The following SCHIP1 variants were observed in gnomAD, a reference collection of about 807,000 sequenced individuals.
SCHIP1 encodes schwannomin-interacting protein 1.
SCHIP1 carries 8 observed loss-of-function variants against 29.7 expected under a neutral mutation model. That is an observed-to-expected ratio of 0.27 (90% confidence interval 0.16 to 0.49). The LOEUF (loss-of-function observed/expected upper bound fraction) is 0.49, where lower values mean the gene tolerates loss of function less well. Ranked by LOEUF, SCHIP1 falls within the 20% of genes least tolerant of loss-of-function variation. SCHIP1 has a pLI of 0.99. For synonymous variants in SCHIP1, 76 were observed against 94.9 expected, an observed-to-expected ratio of 0.80 and a Z score of 1.16; for missense variants, 193 against 294.6, an observed-to-expected ratio of 0.66 and a Z score of 2.52.
At chr3:159,540,967 C>T in the SCHIP1 span, among the ~76,000 whole-genome samples, 6 of 152,112 alleles carry the variant, frequency 3.9e-5, no homozygotes, top group Non-Finnish European at 7.4e-5. Context: ...TAACACTAAC[C>T]CATCAAAACA....
the SCHIP1 span, among the ~76,000 whole-genome samples, chr3:159,796,361 A>G: frequency 2.0e-5 from 3 of 152,170 alleles, no homozygotes; most frequent in Non-Finnish European, 2.9e-5. Context: ...AGGGGGAAGC[A>G]TTGAGGAATC....
chr3:159,713,519 CA>C, the SCHIP1 span, among the ~76,000 whole-genome samples: 1 of 152,158 alleles, frequency 6.6e-6, no homozygotes, highest in South Asian at 2.1e-4. Flanking sequence ...AATATTTCAA[CA>C]ATACATAAAT....
chr3:159,673,379 T>C, the SCHIP1 span, among the ~76,000 whole-genome samples: 1 of 152,260 alleles, frequency 6.6e-6, no homozygotes, highest in Non-Finnish European at 1.5e-5. Flanking sequence ...TAGCCATGTA[T>C]GTCTGTGACT....
At chr3:159,476,110 C>CCAGT in the SCHIP1 span, among the ~76,000 whole-genome samples, 17,055 of 152,138 alleles carry the variant, frequency 0.11, 1,218 homozygotes, top group Non-Finnish European at 0.16. Context: ...GGTTGAAGGG[C>CCAGT]CAGTCACAGG....
the SCHIP1 span, among the ~76,000 whole-genome samples, chr3:159,680,243 G>C: frequency 6.6e-6 from 1 of 151,810 alleles, no homozygotes; most frequent in African/African-American, 2.4e-5. Flanking sequence ...AGGCGCGGTG[G>C]CTAACGCCTG....
chr3:159,315,242 AG>A, the SCHIP1 span, among the ~76,000 whole-genome samples: 1 of 133,272 alleles, frequency 7.5e-6, no homozygotes, highest in South Asian at 2.3e-4. Context: ...TGTGTCACCC[AG>A]GCTGGAGTGC....
chr3:159,590,693 A>C, the SCHIP1 span, among the ~76,000 whole-genome samples: 1 of 152,148 alleles, frequency 6.6e-6, no homozygotes, highest in Non-Finnish European at 1.5e-5. Context: ...TATCTCAATC[A>C]GCTGAAAAAA....
At chr3:159,609,687 C>T in the SCHIP1 span, among the ~76,000 whole-genome samples, 6 of 152,090 alleles carry the variant, frequency 3.9e-5, no homozygotes, top group Non-Finnish European at 7.4e-5. Context: ...CAGAAGCAGC[C>T]GCTTAAAACC....
the SCHIP1 span, among the ~76,000 whole-genome samples, chr3:159,347,618 T>C: frequency 2.0e-5 from 3 of 152,220 alleles, no homozygotes; most frequent in African/African-American, 7.2e-5. Flanking sequence ...GATAGTGGCA[T>C]TGATGTCTTA....
chr3:159,359,942 A>G, the SCHIP1 span, among the ~76,000 whole-genome samples: 1 of 152,356 alleles, frequency 6.6e-6, no homozygotes, highest in East Asian at 1.9e-4. Flanking sequence ...ACCCATAGGT[A>G]TAAGTTTTGT....
At chr3:159,553,767 C>T in the SCHIP1 span, among the ~76,000 whole-genome samples, 4 of 152,202 alleles carry the variant, frequency 2.6e-5, no homozygotes, top group South Asian at 2.1e-4. Flanking sequence ...TGAGCCACTG[C>T]GCCCAGCCAG....
the SCHIP1 span, among the ~76,000 whole-genome samples, chr3:159,693,855 A>G: frequency 6.6e-5 from 10 of 152,234 alleles, no homozygotes; most frequent in Non-Finnish European, 1.5e-4. Context: ...ATTGTTTCAA[A>G]AAGTAAATAT....
chr3:159,811,214 T>C, the SCHIP1 span, among the ~76,000 whole-genome samples: 1 of 152,240 alleles, frequency 6.6e-6, no homozygotes, highest in African/African-American at 2.4e-5. Flanking sequence ...AGAAATAGTA[T>C]TTGTGTATAT....
At chr3:159,447,798 A>C in the SCHIP1 span, among the ~76,000 whole-genome samples, 1 of 152,200 alleles carries the variant, frequency 6.6e-6, no homozygotes, top group East Asian at 1.9e-4. Flanking sequence ...ATAAATGTGC[A>C]GTTTCCCAGT....
At chr3:159,710,432 C>A in the SCHIP1 span, among the ~76,000 whole-genome samples, 1 of 152,118 alleles carries the variant, frequency 6.6e-6, no homozygotes, top group Admixed American at 6.5e-5. Flanking sequence ...TCAAAGGGTA[C>A]AAAGTTTCAG....
chr3:159,456,596 C>T, the SCHIP1 span, among the ~76,000 whole-genome samples: 1 of 152,136 alleles, frequency 6.6e-6, no homozygotes, highest in African/African-American at 2.4e-5. Context: ...TGCTCTAGAT[C>T]ATTTGGGGGA....
the SCHIP1 span, among the ~76,000 whole-genome samples, chr3:159,681,884 T>G: frequency 8.6e-5 from 13 of 151,580 alleles, no homozygotes; most frequent in African/African-American, 3.2e-4. Context: ...CAACGTTAAC[T>G]TAGGTTAACT....
At chr3:159,541,298 T>C in the SCHIP1 span, among the ~76,000 whole-genome samples, 7 of 151,958 alleles carry the variant, frequency 4.6e-5, no homozygotes, top group African/African-American at 1.7e-4. Flanking sequence ...TAAACTAAAA[T>C]GATACAAAGA....
chr3:159,337,168 A>C, the SCHIP1 span, among the ~76,000 whole-genome samples: 1 of 152,156 alleles, frequency 6.6e-6, no homozygotes, highest in African/African-American at 2.4e-5. Context: ...AAAAACTCTC[A>C]ATAAATTAGG....
Sources: gnomAD v4.1 joint callset for allele counts (sites outside exome capture counted in the v4.1 genomes callset) on GRCh38, gnomAD v4.1.1 for gene constraint, MANE v1.5 for transcripts, NCBI Gene and HGNC (gene_info 2026-07-23, HGNC 2026-07-21) for gene names.